SPATA13: variants seen among roughly 807,000 people sequenced by gnomAD.
SPATA13 encodes spermatogenesis associated 13, also known as spermatogenesis-associated protein 13.
A neutral mutation model predicts 104.0 loss-of-function variants in SPATA13; 50 were observed. The ratio of observed to expected loss-of-function variants is 0.48; its 90% confidence interval spans 0.38 to 0.61. SPATA13 has a LOEUF of 0.61. Ranked by LOEUF, SPATA13 falls within the 20% of genes least tolerant of loss-of-function variation. The pLI, the probability that SPATA13 is intolerant of heterozygous loss-of-function variation, is 0.00. For missense variants in SPATA13, 1,524 were observed against 1,690.6 expected (o/e 0.90, Z 1.73); for synonymous variants, 606 against 667.5 (o/e 0.91, Z 1.42).
Position 24,088,444 on chromosome 13 carries a change from G to A in SPATA13, c.-112+70743G>A, listed in dbSNP as rs1203843494. ...TTCCTCTTGAGATGAAGACACATGA[G>A]AACCCAAGCCCATCACCCTGGACAT... On this transcript the variant is annotated intron_variant, in intron 3 of 14. Coordinates refer to the SPATA13 transcript ENST00000424834. This position sits in a 1 kb window ranked among gnomAD's most constrained non-coding sequence, Gnocchi z 4.3. Among the ~76,000 whole-genome samples, 2 of 152,066 alleles carry A rather than the reference G, an allele frequency of 1.3e-5. No homozygotes were observed. The highest frequency in any genetic ancestry group is 4.8e-5 in the African/African-American group (2 of 41,412).
At chr13:24,278,974 C>CCT (rs1875262285) in intron 4 of SPATA13, among the ~76,000 whole-genome samples, 1 of 31,378 alleles carries the variant, frequency 3.2e-5, no homozygotes, top group African/African-American at 1.0e-4. Flanking sequence ...CCCTCCTTCC[C>CCT]TCCCTCCCTC....
chr13:24,222,074 A>G (rs747829000), intron 1 of SPATA13, among the ~76,000 whole-genome samples: 1 of 152,096 alleles, frequency 6.6e-6, no homozygotes, highest in East Asian at 1.9e-4. Flanking sequence ...CGGACTCCCA[A>G]AGTGTTAGGA....
At chr13:24,287,027 C>G in intron 7 of SPATA13, 77 bp downstream of exon 7, 1 of 1,258,514 alleles carries the variant, frequency 7.9e-7, no homozygotes, top group Non-Finnish European at 1.1e-6. Context: ...CTCCCCACCT[C>G]CACCCCCCGC....
chr13:24,148,367 A>AT (rs59988914), intron 3 of SPATA13, among the ~76,000 whole-genome samples: 70,766 of 150,788 alleles, frequency 0.47, 17,644 homozygotes, highest in Admixed American at 0.58. Context: ...TTGTTTTTTT[A>AT]TTTTTTTTTC....
intron 3 of SPATA13, among the ~76,000 whole-genome samples, chr13:24,021,799 C>T (rs1438453360): frequency 2.0e-5 from 3 of 151,906 alleles, no homozygotes; most frequent in Non-Finnish European, 4.4e-5. Flanking sequence ...GCAAGCTCCA[C>T]CTCCCGGGTT....
Position 24,294,759 on chromosome 13 carries a change from C to G in SPATA13, c.3101C>G (p.Ala1034Gly), listed in dbSNP as rs144501887. The change falls in exon 10 of 13, where the codon GCA (alanine) becomes GGA (glycine). Residue 1034 changes from alanine to glycine, a missense_variant. Transcript: ENST00000382108. Reference protein sequence around the residue: ...QEHGDYSNIKAAYEAMKNVAC... With the variant: ...QEHGDYSNIKGAYEAMKNVAC... ...TGCAGTGATTACAGCAACATAAAGG[C>G]AGCATATGAGGCCATGAAGAATGTG... 8.8e-6 allele frequency: 14 copies of G among 1,598,824 alleles called. No individual in the cohort carries two copies. In the African/African-American group the frequency reaches 1.5e-4, roughly 17 times the overall value.
At chr13:24,024,499 C>G (rs1212798848) in intron 3 of SPATA13, among the ~76,000 whole-genome samples, 10 of 152,046 alleles carry the variant, frequency 6.6e-5, no homozygotes, top group Admixed American at 5.9e-4. Flanking sequence ...AAGGAGAGTG[C>G]TATCTGGAGT....
intron 10 of SPATA13, 79 bp downstream of exon 10, chr13:24,294,947 A>C: frequency 6.9e-7 from 1 of 1,444,056 alleles, no homozygotes; most frequent in Non-Finnish European, 9.5e-7. Context: ...GCACTTTAAT[A>C]TCCTGTGGTC....
chr13:24,085,220 T>A (rs892442381), intron 3 of SPATA13, among the ~76,000 whole-genome samples: 6 of 152,148 alleles, frequency 3.9e-5, no homozygotes. Context: ...CCTCCCGGGA[T>A]CAAGTGATTC....
At chr13:24,196,855 A>G (rs550469551) in intron 1 of SPATA13, among the ~76,000 whole-genome samples, 23 of 152,246 alleles carry the variant, frequency 1.5e-4, no homozygotes, top group Non-Finnish European at 7.4e-5. Context: ...ATTTCAAGAG[A>G]TAAGGAGAAG....
chr13:24,049,682 A>G (rs1878270317), intron 3 of SPATA13, among the ~76,000 whole-genome samples: 1 of 152,114 alleles, frequency 6.6e-6, no homozygotes, highest in Admixed American at 6.5e-5. Context: ...TACTAAAAAC[A>G]CGAAACTGAT....
chr13:24,008,284 T>C (rs1051331213), intron 2 of SPATA13, among the ~76,000 whole-genome samples: 2 of 152,174 alleles, frequency 1.3e-5, no homozygotes, highest in African/African-American at 2.4e-5. Context: ...CTCCTGAAGG[T>C]TGTGGGCTGA....
chr13:24,298,076 A>G (rs755466189), intron 11 of SPATA13, among the ~76,000 whole-genome samples: 1 of 152,146 alleles, frequency 6.6e-6, no homozygotes, highest in Non-Finnish European at 1.5e-5. Context: ...GAACTGGCCC[A>G]CTCTTGCACT....
chr13:24,150,404 G>A (rs561454802), intron 3 of SPATA13, among the ~76,000 whole-genome samples: 7 of 152,320 alleles, frequency 4.6e-5, no homozygotes, highest in African/African-American at 1.2e-4. Flanking sequence ...AGATGTCACC[G>A]ACTGGCATGG....
chr13:24,250,778 C>A (rs1354467473), intron 3 of SPATA13, among the ~76,000 whole-genome samples: 1 of 152,154 alleles, frequency 6.6e-6, no homozygotes, highest in Non-Finnish European at 1.5e-5. Context: ...TGTTAAGAAC[C>A]TTTTGTCTGA....
At chr13:24,201,135 C>T (rs1870377870) in intron 1 of SPATA13, among the ~76,000 whole-genome samples, 1 of 151,034 alleles carries the variant, frequency 6.6e-6, no homozygotes, top group South Asian at 2.1e-4. Context: ...GTTCCCTTGC[C>T]TTAGTGAGGT....
chr13:24,153,930 G>C (rs992723542), intron 3 of SPATA13, among the ~76,000 whole-genome samples: 30 of 152,142 alleles, frequency 2.0e-4, no homozygotes, highest in African/African-American at 7.0e-4. Context: ...TATCAAACAA[G>C]TGTTATCTTA....
chr13:24,099,149 G>A (rs1593328351), intron 3 of SPATA13, among the ~76,000 whole-genome samples: 1 of 152,134 alleles, frequency 6.6e-6, no homozygotes, highest in South Asian at 2.1e-4. Flanking sequence ...GGTGATGGGG[G>A]AACCAATCCA....
chr13:24,159,623 C>T (rs946284546), upstream of SPATA13, among the ~76,000 whole-genome samples: 3 of 152,156 alleles, frequency 2.0e-5, no homozygotes, highest in South Asian at 2.1e-4. Flanking sequence ...AGGAGGCTCA[C>T]GCCGCATGCT....
Sources: allele counts gnomAD v4.1 joint callset (sites outside exome capture counted in the v4.1 genomes callset), GRCh38; gene constraint gnomAD v4.1.1; non-coding constraint Gnocchi (gnomAD v3.1); transcripts MANE v1.5; gene names NCBI Gene and HGNC (gene_info 2026-07-23, HGNC 2026-07-21).